Variants in FNDC3A observed in about 807,000 individuals in gnomAD.
FNDC3A encodes the protein fibronectin type-III domain-containing protein 3A.
In FNDC3A, 32 loss-of-function variants were observed where a neutral mutation model predicts 148.9. That is an observed-to-expected ratio of 0.21 (90% CI 0.16 to 0.29). The LOEUF is 0.29. FNDC3A is among the 10% of genes least tolerant of loss of function. The pLI is 1.00. For missense variants in FNDC3A, 1,191 were observed against 1,452.8 expected (o/e 0.82, Z 2.93); for synonymous variants, 472 against 473.6 (o/e 1.00, Z 0.04).
At chr13:49,005,877 A>G (rs1952211287) in intron 1 of FNDC3A, among the ~76,000 whole-genome samples, 1 of 151,926 alleles carries the variant, frequency 6.6e-6, no homozygotes, top group Non-Finnish European at 1.5e-5. Flanking sequence ...GGGTGGAGAG[A>G]CAGACATAGA....
intron 4 of FNDC3A, 143 bp downstream of exon 4, chr13:49,114,874 T>C (rs549503445): frequency 1.2e-5 from 8 of 673,272 alleles, no homozygotes; most frequent in Middle Eastern, 2.6e-4. Context: ...CTATTTCAAG[T>C]ATTTTAGTAC....
At chr13:49,124,646 C>T (rs1881579385) in intron 4 of FNDC3A, among the ~76,000 whole-genome samples, 1 of 152,094 alleles carries the variant, frequency 6.6e-6, no homozygotes, top group African/African-American at 2.4e-5. Flanking sequence ...CCTTAATGAG[C>T]TTTATTGTTG....
intron 23 of FNDC3A, among the ~76,000 whole-genome samples, chr13:49,200,509 AAATT>A (rs2138134654): frequency 6.6e-6 from 1 of 152,206 alleles, no homozygotes; most frequent in Admixed American, 6.5e-5. Flanking sequence ...ATTACTGGAC[AAATT>A]AATTGTTTAA....
chr13:48,980,002 A>T (rs1198449113), intron 1 of FNDC3A, among the ~76,000 whole-genome samples: 1 of 152,068 alleles, frequency 6.6e-6, no homozygotes. Context: ...TTCTTGCATC[A>T]TCTTGTCTAT....
At chr13:49,064,296 G>T (rs926743305) in intron 2 of FNDC3A, among the ~76,000 whole-genome samples, 1 of 151,900 alleles carries the variant, frequency 6.6e-6, no homozygotes, top group Non-Finnish European at 1.5e-5. Flanking sequence ...AGCCAAGATC[G>T]TGCCATTGCA....
In FNDC3A at chr13:49,070,993, A is replaced by T. The variant is rs1877643129; in HGVS notation, c.100-4296A>T. The stretch of plus-strand genomic sequence containing the variant: ...AGCTCACTACAGTCTTGACCTCCTG[A>T]GATAAAGCAATCCTCCTGCCTCAGC... On this transcript the variant is annotated intron_variant, in intron 2 of 25. Transcript: ENST00000492622. 2.1e-5 allele frequency among the ~76,000 whole-genome samples: 3 copies of T among 143,890 alleles called. No homozygotes were observed. In the South Asian group the frequency reaches 6.6e-4, roughly 31 times the overall value. The allele number at this position is 143,890 out of a possible 152,430, so 94.4% of individuals were successfully genotyped here. A position where few individuals can be genotyped will look rare whatever the true frequency, so the allele number is the denominator to read the frequency against.
At chr13:49,051,876 C>CT (rs1336484849) in intron 2 of FNDC3A, among the ~76,000 whole-genome samples, 2 of 152,120 alleles carry the variant, frequency 1.3e-5, no homozygotes, top group South Asian at 4.1e-4. Context: ...TTTTTAAATT[C>CT]TTTTTTCTTT....
intron 2 of FNDC3A, among the ~76,000 whole-genome samples, chr13:49,034,035 A>T (rs1460948974): frequency 1.3e-5 from 2 of 152,028 alleles, no homozygotes; most frequent in African/African-American, 4.8e-5. Context: ...ATTTTAGCTT[A>T]TAACTTATAT....
At chr13:49,115,783 A>C (rs1439813322) in intron 4 of FNDC3A, among the ~76,000 whole-genome samples, 1 of 152,148 alleles carries the variant, frequency 6.6e-6, no homozygotes, top group African/African-American at 2.4e-5. Context: ...TGACTCCTTA[A>C]TATAGTCTGC....
At chr13:49,078,456 G>T (rs1878263351) in intron 3 of FNDC3A, among the ~76,000 whole-genome samples, 1 of 152,194 alleles carries the variant, frequency 6.6e-6, no homozygotes, top group Non-Finnish European at 1.5e-5. Flanking sequence ...ATGACAGATT[G>T]TAAGATTGGA....
chr13:49,184,743 G>A (rs1047162792), intron 14 of FNDC3A, among the ~76,000 whole-genome samples: 1 of 152,156 alleles, frequency 6.6e-6, no homozygotes, highest in African/African-American at 2.4e-5. Flanking sequence ...GGAACTTACA[G>A]GTAGGTGTAG....
chr13:49,119,118 C>G (rs1241203121), intron 4 of FNDC3A, among the ~76,000 whole-genome samples: 1 of 152,196 alleles, frequency 6.6e-6, no homozygotes, highest in Non-Finnish European at 1.5e-5. Context: ...CAGCTGGCAT[C>G]TGGTGGGTGC....
chr13:49,001,746 C>T (rs907885620), intron 1 of FNDC3A, among the ~76,000 whole-genome samples: 1 of 152,054 alleles, frequency 6.6e-6, no homozygotes, highest in East Asian at 1.9e-4. Flanking sequence ...TTGGTCAGAC[C>T]GGTTGTCTGC....
At chr13:49,024,311 T>G (rs1873540682) in intron 2 of FNDC3A, among the ~76,000 whole-genome samples, 1 of 152,028 alleles carries the variant, frequency 6.6e-6, no homozygotes, top group Admixed American at 6.5e-5. Context: ...GAATAATTAA[T>G]ACCAGTTTTC....
At chr13:49,149,897 C>T (rs562425522) in intron 8 of FNDC3A, among the ~76,000 whole-genome samples, 11 of 152,240 alleles carry the variant, frequency 7.2e-5, no homozygotes, top group Non-Finnish European at 1.5e-4. Flanking sequence ...TTCTATTTCT[C>T]GCTGATTGAA....
At chr13:49,078,587 G>A (rs117312883) in intron 3 of FNDC3A, among the ~76,000 whole-genome samples, 2,509 of 152,292 alleles carry the variant, frequency 0.016, 32 homozygotes, top group Middle Eastern at 0.037. Context: ...TTACAAGATG[G>A]AATATGGGTG....
intron 4 of FNDC3A, among the ~76,000 whole-genome samples, chr13:49,118,876 G>A (rs994614737): frequency 2.6e-5 from 4 of 152,190 alleles, no homozygotes; most frequent in Non-Finnish European, 4.4e-5. Flanking sequence ...TAGATAAAAC[G>A]CCCGTCTTCC....
intron 19 of FNDC3A, among the ~76,000 whole-genome samples, chr13:49,191,883 C>T (rs1397317714): frequency 6.6e-6 from 1 of 152,078 alleles, no homozygotes; most frequent in Non-Finnish European, 1.5e-5. Flanking sequence ...GAAATATTAT[C>T]TATGTATTTA....
At chr13:49,195,219 A>G (rs116270872) in intron 19 of FNDC3A, among the ~76,000 whole-genome samples, 205 of 152,326 alleles carry the variant, frequency 1.3e-3, no homozygotes, top group African/African-American at 4.6e-3. Context: ...GTCTAGCTAA[A>G]ATCAGTGCTG....
Sources: gnomAD v4.1 joint callset for allele counts (sites outside exome capture counted in the v4.1 genomes callset) on GRCh38, gnomAD v4.1.1 for gene constraint, MANE v1.5 for transcripts, NCBI Gene and HGNC (gene_info 2026-07-23, HGNC 2026-07-21) for gene names.